PAM: variants seen among roughly 807,000 people sequenced by gnomAD.
The protein encoded by PAM is peptidyl-glycine alpha-amidating monooxygenase.
Under a neutral mutation model 122.1 loss-of-function variants are expected in PAM, and 72 were observed. The observed-to-expected ratio is 0.59, with a 90% CI of 0.49 to 0.72. PAM has a LOEUF of 0.72. PAM is among the 30% of genes least tolerant of loss of function. The probability of loss-of-function intolerance (pLI) is 0.00; values close to 1 mark genes in which losing one functional copy is unlikely to be tolerated. For missense variants in PAM, 1,106 were observed against 1,183.7 expected (o/e 0.93, Z 0.96); for synonymous variants, 389 against 404.4 (o/e 0.96, Z 0.46).
At chr5:102,880,807 A>G (rs1681558063) in intron 3 of PAM, among the ~76,000 whole-genome samples, 1 of 152,190 alleles carries the variant, frequency 6.6e-6, no homozygotes, top group African/African-American at 2.4e-5. Context: ...ATGAAGTGAT[A>G]CAAGCTAAAA....
At chr5:102,913,246 T>C (rs1801982845) in intron 4 of PAM, among the ~76,000 whole-genome samples, 1 of 152,028 alleles carries the variant, frequency 6.6e-6, no homozygotes, top group African/African-American at 2.4e-5. Context: ...ATTTTTTCTC[T>C]TTTAATTATG....
At position 102,779,238 on chromosome 5, in the gene PAM, GTA is replaced by G. The variant is rs538248997; in HGVS notation, c.-374+23902_-374+23903del. Among the ~76,000 whole-genome samples the G allele has an allele frequency of 7.6e-3, 1,128 of 149,184 alleles. 9 individuals carry two copies. Among genetic ancestry groups the G allele is most frequent in the Non-Finnish European group, 0.013 (898 of 67,322 alleles). ...TATATATGTGTGTGTATATATATGT[GTA>G]TATATATATATGTATATATATAATT... On this transcript the variant is annotated intron_variant, in intron 1 of 25. Coordinates refer to ENST00000438793, the MANE Select transcript of PAM (RefSeq NM_001177306.2).
intron 1 of PAM, among the ~76,000 whole-genome samples, chr5:102,842,318 A>G (rs1209373923): frequency 6.6e-6 from 1 of 151,956 alleles, no homozygotes; most frequent in Non-Finnish European, 1.5e-5. Context: ...TTAAATTCCC[A>G]TGTGTTGTGG....
At chr5:102,970,484 T>C (rs1765482630) in intron 14 of PAM, among the ~76,000 whole-genome samples, 1 of 152,064 alleles carries the variant, frequency 6.6e-6, no homozygotes, top group African/African-American at 2.4e-5. Flanking sequence ...GGAGAGTCTC[T>C]CCCCACCTCC....
chr5:102,920,664 A>G (rs552243131), intron 5 of PAM, among the ~76,000 whole-genome samples: 2 of 152,118 alleles, frequency 1.3e-5, no homozygotes, highest in South Asian at 2.1e-4. Flanking sequence ...CCCTCATGCT[A>G]TTGATTTTGT....
intron 1 of PAM, among the ~76,000 whole-genome samples, chr5:102,769,588 AG>A: frequency 6.6e-6 from 1 of 152,256 alleles, no homozygotes; most frequent in East Asian, 1.9e-4. Context: ...CAGTTTTCCC[AG>A]CACCATTTAT....
chr5:102,888,416 A>T (rs536320458), intron 3 of PAM, among the ~76,000 whole-genome samples: 2 of 152,124 alleles, frequency 1.3e-5, no homozygotes, highest in African/African-American at 4.8e-5. Flanking sequence ...CTAACATCAC[A>T]TTTAAACAGA....
At chr5:102,924,441 AAAAAAAAAAAC>A (rs914806338) in intron 5 of PAM, among the ~76,000 whole-genome samples, 22 of 151,952 alleles carry the variant, frequency 1.4e-4, no homozygotes, top group Non-Finnish European at 2.9e-4. Context: ...CTCAAAAAAA[AAAAAAAAAAAC>A]AAAAAAACTC....
intron 17 of PAM, among the ~76,000 whole-genome samples, chr5:103,003,598 TA>T (rs1259819959): frequency 2.0e-5 from 3 of 152,314 alleles, no homozygotes; most frequent in South Asian, 2.1e-4. Flanking sequence ...ATTTGTCCTT[TA>T]AAAAATTAGA....
intron 11 of PAM, among the ~76,000 whole-genome samples, chr5:102,950,416 G>GTGGGTGTGTGTGTGTGTGT: frequency 6.8e-6 from 1 of 146,062 alleles, no homozygotes; most frequent in African/African-American, 2.6e-5. Context: ...TATGTGGGTG[G>GTGGGTGTGTGTGTGTGTGT]GTGTGTGTGT....
At chr5:102,856,312 G>A (rs1782602132) in intron 1 of PAM, among the ~76,000 whole-genome samples, 1 of 152,098 alleles carries the variant, frequency 6.6e-6, no homozygotes, top group Admixed American at 6.6e-5. Flanking sequence ...TAAATTTTAT[G>A]TAATGTCCTG....
intron 1 of PAM, among the ~76,000 whole-genome samples, chr5:102,769,196 A>T (rs970074084): frequency 2.6e-5 from 4 of 152,038 alleles, no homozygotes; most frequent in African/African-American, 9.6e-5. Flanking sequence ...TAACTGGATT[A>T]TCAGATTTTT....
chr5:102,814,034 G>T (rs1580452403), intron 1 of PAM, among the ~76,000 whole-genome samples: 1 of 152,162 alleles, frequency 6.6e-6, no homozygotes, highest in African/African-American at 2.4e-5. Flanking sequence ...TGTGGTAGGG[G>T]CAGGAGACTG....
chr5:102,859,431 A>G (rs1198506604), intron 1 of PAM, among the ~76,000 whole-genome samples: 2 of 152,098 alleles, frequency 1.3e-5, no homozygotes, highest in African/African-American at 4.8e-5. Context: ...AAAAAAGCTT[A>G]TAGAATAAAG....
chr5:102,784,363 C>T (rs2149909347), intron 1 of PAM, among the ~76,000 whole-genome samples: 1 of 152,256 alleles, frequency 6.6e-6, no homozygotes, highest in South Asian at 2.1e-4. Context: ...TTTCAGTTTC[C>T]CCCCTTGCAC....
chr5:102,762,776 T>C (rs915151320), intron 1 of PAM, among the ~76,000 whole-genome samples: 2 of 152,204 alleles, frequency 1.3e-5, no homozygotes, highest in Non-Finnish European at 2.9e-5. Flanking sequence ...TGAGTAACTT[T>C]AATCAGGAGC....
chr5:102,796,551 T>A (rs1292840871), intron 1 of PAM, among the ~76,000 whole-genome samples: 2 of 152,176 alleles, frequency 1.3e-5, no homozygotes, highest in Non-Finnish European at 2.9e-5. Flanking sequence ...TTATTGTCAT[T>A]TTTTTGAGCA....
At chr5:102,907,254 G>A (rs1799852494) in intron 4 of PAM, among the ~76,000 whole-genome samples, 1 of 151,782 alleles carries the variant, frequency 6.6e-6, no homozygotes, top group Non-Finnish European at 1.5e-5. Flanking sequence ...AATGTTCCAG[G>A]AATGATGATT....
intron 1 of PAM, among the ~76,000 whole-genome samples, chr5:102,822,804 A>G (rs954324063): frequency 9.2e-5 from 14 of 152,068 alleles, no homozygotes; most frequent in African/African-American, 3.4e-4. Flanking sequence ...ACCATTGGAG[A>G]TCCTGGGTGA....
Sources: gnomAD v4.1 joint callset for allele counts (sites outside exome capture counted in the v4.1 genomes callset) on GRCh38, gnomAD v4.1.1 for gene constraint, MANE v1.5 for transcripts, NCBI Gene and HGNC (gene_info 2026-07-23, HGNC 2026-07-21) for gene names.